OR4E2: variants seen among roughly 807,000 people sequenced by gnomAD.
OR4E2 encodes the protein olfactory receptor 4E2.
In OR4E2, 9 loss-of-function variants were observed where a neutral mutation model predicts 11.0. That is an observed-to-expected ratio of 0.82 (90% confidence interval 0.49 to 1.43). OR4E2 has a LOEUF of 1.43. Ranked by LOEUF, OR4E2 falls within the 40% of genes most tolerant of loss-of-function variation. The pLI is 0.00. For synonymous variants in OR4E2, 159 were observed against 147.3 expected (o/e 1.08, Z -0.57); for missense variants, 441 against 382.0 (o/e 1.15, Z -1.29).
intron 1 of OR4E2, among the ~76,000 whole-genome samples, chr14:21,656,151 A>G (rs7155846): frequency 0.18 from 26,958 of 150,902 alleles, 3,046 homozygotes; most frequent in East Asian, 0.47. Flanking sequence ...ACAAAAAACA[A>G]GAAACACAAC....
At chr14:21,657,220 G>A (rs1210473210) in intron 2 of OR4E2, among the ~76,000 whole-genome samples, 1 of 152,156 alleles carries the variant, frequency 6.6e-6, no homozygotes, top group Non-Finnish European at 1.5e-5. Flanking sequence ...AGATTTGGAG[G>A]ACTACAGTTG....
intron 2 of OR4E2, among the ~76,000 whole-genome samples, chr14:21,657,479 C>G (rs990845428): frequency 8.7e-6 from 1 of 114,836 alleles, no homozygotes. Context: ...TTCCTTCCTT[C>G]CTTCCTTCCT....
Position 21,665,969 on chromosome 14 carries a change from G to A in OR4E2, c.887G>A (p.Ser296Asn). The A allele has an allele frequency of 1.9e-6, 3 of 1,614,098 alleles. No individual in the cohort carries two copies. Among genetic ancestry groups the A allele is most frequent in the Non-Finnish European group, 2.5e-6 (3 of 1,180,012 alleles). Reference sequence around the variant, plus strand: ...ACCTTGAGGAATGAGGAGGTAAAAAGTGCCATGAAGCAGCTCAGGCAGAGA... The same window carrying A: ...ACCTTGAGGAATGAGGAGGTAAAAAATGCCATGAAGCAGCTCAGGCAGAGA... ...IYTLRNEEVK[S>N]AMKQLRQRQV... is the part of the protein sequence containing the mutation. Residue 296 changes from serine (S) to asparagine (N), a missense_variant, in exon 4 of 4, where the codon AGT becomes AAT. Transcript: ENST00000641524.
In OR4E2 at chr14:21,666,259, G is replaced by A. The variant is rs547881855; in HGVS notation, c.*235G>A. Reference sequence around the variant, plus strand: ...GAAGTTATAAGGAAAAATAACGTGGGAAAGTTTAAAGACAGCTTTTGATTT... The same window carrying A: ...GAAGTTATAAGGAAAAATAACGTGGAAAAGTTTAAAGACAGCTTTTGATTT... On this transcript the variant is annotated 3_prime_UTR_variant, in exon 4 of 4. Coordinates refer to ENST00000641524, the MANE Select transcript of OR4E2 (RefSeq NM_001001912.3). 1.8e-4 allele frequency: 76 copies of A among 413,812 alleles called. No individual in the cohort carries two copies. The highest frequency in any genetic ancestry group is 2.9e-4 in the Non-Finnish European group (68 of 233,822). The allele number at this position is 413,812 out of a possible 1,614,324, so 25.6% of individuals were successfully genotyped here.
chr14:21,656,174 CA>C (rs11357838), intron 1 of OR4E2, among the ~76,000 whole-genome samples: 2,178 of 144,042 alleles, frequency 0.015, 25 homozygotes, highest in Non-Finnish European at 0.02. Flanking sequence ...AACAAACAAC[CA>C]AAAAAAAAAA....
At chr14:21,657,372 TCC>T (rs1880013229) in intron 2 of OR4E2, among the ~76,000 whole-genome samples, 1 of 147,164 alleles carries the variant, frequency 6.8e-6, no homozygotes, top group African/African-American at 2.5e-5. Flanking sequence ...CTTCCTTCCT[TCC>T]TTCCTTCCTT....
rs1219230980 is a variant in OR4E2 at position 21,657,414 on chromosome 14, CTT to C, written c.-103+827_-103+828del. The stretch of plus-strand genomic sequence containing the variant: ...TCTTTCTTCCTTCCTTCCTTTCTTT[CTT>C]TCTTTCTCTTTCTTTCTTCTTTCTT... On this transcript the variant is annotated intron_variant, in intron 2 of 3. Transcript: ENST00000641524. Among the ~76,000 whole-genome samples the C allele has an allele frequency of 1.3e-3, 178 of 133,038 alleles. 2 individuals carry two copies. The highest frequency in any genetic ancestry group is 9.4e-4 in the Non-Finnish European group (59 of 62,712). The allele number at this position is 133,038 out of a possible 152,430, so 87.3% of individuals were successfully genotyped here.
At chr14:21,655,724 G>A (rs1453809566) in intron 1 of OR4E2, among the ~76,000 whole-genome samples, 1 of 152,076 alleles carries the variant, frequency 6.6e-6, no homozygotes, top group Non-Finnish European at 1.5e-5. Flanking sequence ...CTTAATGTTA[G>A]TATCAAGTTA....
At chr14:21,655,758 A>G (rs7155194) in intron 1 of OR4E2, among the ~76,000 whole-genome samples, 27,446 of 152,128 alleles carry the variant, frequency 0.18, 3,123 homozygotes, top group East Asian at 0.47. Flanking sequence ...TGTGCTTTCT[A>G]TTAATATGAA....
intron 2 of OR4E2, among the ~76,000 whole-genome samples, chr14:21,659,616 GATA>G (rs1315903092): frequency 2.6e-5 from 4 of 152,140 alleles, no homozygotes; most frequent in African/African-American, 7.2e-5. Flanking sequence ...GAAGCAATTT[GATA>G]ATAATATATT....
intron 1 of OR4E2, among the ~76,000 whole-genome samples, chr14:21,655,245 G>C (rs1879879601): frequency 6.6e-6 from 1 of 152,198 alleles, no homozygotes; most frequent in African/African-American, 2.4e-5. Context: ...AAAAGAAGCA[G>C]AATCCAAATT....
rs144982037 is a variant in OR4E2, at chr14:21,665,576, G to T, written c.494G>T (p.Arg165Leu). Reference protein sequence around the residue: ...HSLGQTFLTIRLPYCGPNIID... With the variant: ...HSLGQTFLTILLPYCGPNIID... Reference sequence around the variant, plus strand: ...CTAGGGCAGACCTTCTTGACTATTCGTCTACCTTACTGTGGCCCCAACATT... The same window carrying T: ...CTAGGGCAGACCTTCTTGACTATTCTTCTACCTTACTGTGGCCCCAACATT... Residue 165 changes from arginine to leucine, a missense_variant, in exon 4 of 4, where the codon CGT becomes CTT. Physicochemically the swap from Arg to Leu is moderately radical, Grantham distance 102. Transcript: ENST00000641524. 1 of 1,614,014 alleles carries T rather than the reference G, an allele frequency of 6.2e-7. No individual in the cohort carries two copies. Among genetic ancestry groups the T allele is most frequent in the Non-Finnish European group, 8.5e-7 (1 of 1,179,988 alleles).
rs1462471022 is a variant in OR4E2, at chr14:21,665,841, A to G, written c.759A>G (p.Pro253=). ...HFMVVALFFG[P]CIFIYTRPDT... ...TGGTGGTTGCCCTCTTCTTTGGGCCATGTATCTTCATCTATACTCGGCCAG... is the reference window on the plus strand; with the variant it reads ...TGGTGGTTGCCCTCTTCTTTGGGCCGTGTATCTTCATCTATACTCGGCCAG... Residue 253 remains proline, a synonymous_variant, in exon 4 of 4, where the codon CCA becomes CCG. Transcript: ENST00000641524. 6 of 1,611,586 alleles carry G rather than the reference A, an allele frequency of 3.7e-6. No individual in the cohort carries two copies. The highest frequency in any genetic ancestry group is 1.7e-4 in the Middle Eastern group (1 of 6,042).
At chr14:21,663,931 T>A (rs1283085355) in intron 3 of OR4E2, among the ~76,000 whole-genome samples, 1 of 152,188 alleles carries the variant, frequency 6.6e-6, no homozygotes, top group Admixed American at 6.5e-5. Context: ...AAGGACATGA[T>A]CTTGTTCCTT....
intron 3 of OR4E2, among the ~76,000 whole-genome samples, chr14:21,661,516 G>A (rs866101045): frequency 6.6e-6 from 1 of 152,108 alleles, no homozygotes; most frequent in Non-Finnish European, 1.5e-5. Context: ...TTAGTAGTTT[G>A]TAATCTTGGC....
chr14:21,656,793 T>A (rs1441966768), intron 2 of OR4E2, among the ~76,000 whole-genome samples: 1 of 152,210 alleles, frequency 6.6e-6, no homozygotes, highest in African/African-American at 2.4e-5. Context: ...GAATACTTTT[T>A]TAACATGTTG....
Position 21,667,140 on chromosome 14 carries a change from T to C in OR4E2, c.*1116T>C, listed in dbSNP as rs1282742074. The C allele has an allele frequency of 1.3e-5, 2 of 152,134 alleles. No homozygotes were observed. The highest frequency in any genetic ancestry group is 2.9e-5 in the Non-Finnish European group (2 of 68,020). 9.4% of individuals were successfully genotyped at this position (152,134 alleles called of 1,614,324 possible). On this transcript the variant is annotated 3_prime_UTR_variant, in exon 4 of 4. Coordinates refer to ENST00000641524, the MANE Select transcript of OR4E2 (RefSeq NM_001001912.3). ...GAGAGCTACCATACAATATCAACTT[T>C]AATGGAGCTGATGGAATGAAATGAA...
In OR4E2 at chr14:21,665,374, A is replaced by G. The variant is rs1005360969; in HGVS notation, c.292A>G (p.Ile98Val). 3.1e-6 allele frequency: 5 copies of G among 1,614,044 alleles called. No homozygotes were observed. The highest frequency in any genetic ancestry group is 1.6e-4 in the Middle Eastern group (1 of 6,084). Residue 98 changes from isoleucine (I) to valine (V), a missense_variant, in exon 4 of 4, where the codon ATC (isoleucine) becomes GTC (valine). Physicochemically the swap from Ile to Val is conservative, Grantham distance 29. Coordinates refer to ENST00000641524, the MANE Select transcript of OR4E2 (RefSeq NM_001001912.3). ...ERKTISFDNC[I>V]TQLFFLHLFA... is the part of the protein sequence containing the mutation. ...AAAGACCATTTCCTTTGACAACTGC[A>G]TCACACAGCTCTTCTTCCTACATCT...
At chr14:21,657,840 C>T (rs919549210) in intron 2 of OR4E2, among the ~76,000 whole-genome samples, 2 of 152,130 alleles carry the variant, frequency 1.3e-5, no homozygotes, top group African/African-American at 4.8e-5. Flanking sequence ...TCCACCCCCT[C>T]GGCCTCCTAA....
Sources: gnomAD v4.1 joint callset for allele counts (sites outside exome capture counted in the v4.1 genomes callset) on GRCh38, gnomAD v4.1.1 for gene constraint, MANE v1.5 for transcripts, NCBI Gene and HGNC (gene_info 2026-07-23, HGNC 2026-07-21) for gene names.